VPS8: variants seen among roughly 807,000 people sequenced by gnomAD.
VPS8 encodes vacuolar protein sorting-associated protein 8 homolog.
In VPS8, 129 loss-of-function variants were observed where a neutral mutation model predicts 216.4. That is an observed-to-expected ratio of 0.60 (90% CI 0.52 to 0.69). VPS8 has a LOEUF of 0.69. VPS8 is among the 30% of genes least tolerant of loss of function. The pLI, the probability that VPS8 is intolerant of heterozygous loss-of-function variation, is 0.00. For synonymous variants in VPS8, 571 were observed against 565.4 expected (o/e 1.01, Z -0.14); for missense variants, 1,531 against 1,683.5 (o/e 0.91, Z 1.59).
At chr3:184,900,459 C>A (rs954963050) in intron 24 of VPS8, among the ~76,000 whole-genome samples, 1 of 152,084 alleles carries the variant, frequency 6.6e-6, no homozygotes, top group Non-Finnish European at 1.5e-5. Flanking sequence ...CAGTTTTTTC[C>A]CAAATAGGAA....
intron 21 of VPS8, among the ~76,000 whole-genome samples, chr3:184,876,929 T>C (rs751594936): frequency 1.1e-4 from 17 of 152,194 alleles, no homozygotes; most frequent in Admixed American, 3.3e-4. Context: ...CTTTCCTAAT[T>C]TTAAAATATT....
At chr3:184,840,032 CTTGGGT>C in intron 7 of VPS8, 1 of 619,778 alleles carries the variant, frequency 1.6e-6, no homozygotes, top group Non-Finnish European at 2.1e-6. Context: ...TGAAGGGAAC[CTTGGGT>C]TATCATCTTG....
At chr3:184,935,537 G>A (rs776470800) in intron 34 of VPS8, among the ~76,000 whole-genome samples, 5 of 152,070 alleles carry the variant, frequency 3.3e-5, no homozygotes, top group South Asian at 2.1e-4. Context: ...TGTTTTAGCC[G>A]TGTATTGTGG....
At chr3:184,915,324 A>G (rs1486317509) in intron 27 of VPS8, 31 bp from the exon 28 acceptor site, 3 of 1,604,200 alleles carry the variant, frequency 1.9e-6, no homozygotes, top group Non-Finnish European at 2.6e-6. Flanking sequence ...TCAGGTGAGA[A>G]AATAATCAAC....
intron 34 of VPS8, among the ~76,000 whole-genome samples, chr3:184,932,834 A>G (rs771949057): frequency 1.4e-4 from 22 of 152,242 alleles, no homozygotes; most frequent in Admixed American, 2.6e-4. Context: ...TTTTATAAGT[A>G]TATCACAGTT....
intron 35 of VPS8, among the ~76,000 whole-genome samples, chr3:184,936,562 G>GTGT (rs1741676382): frequency 2.1e-5 from 1 of 47,954 alleles, no homozygotes; most frequent in African/African-American, 6.9e-5. Flanking sequence ...TGTGTGTGTG[G>GTGT]TTGGGAGCAG....
chr3:185,021,862 G>C (rs773828537), intron 45 of VPS8, among the ~76,000 whole-genome samples: 3 of 152,150 alleles, frequency 2.0e-5, no homozygotes, highest in Non-Finnish European at 4.4e-5. Flanking sequence ...CTTATAATTA[G>C]GCAGAGTTGA....
At chr3:184,853,794 T>C (rs1724741192) in intron 11 of VPS8, 63 bp from the exon 12 acceptor site, 1 of 1,526,508 alleles carries the variant, frequency 6.6e-7, no homozygotes. Context: ...GTAGTCCAGG[T>C]AGAGATAGTA....
At chr3:185,006,606 G>A (rs550502959) in intron 45 of VPS8, among the ~76,000 whole-genome samples, 97 of 152,098 alleles carry the variant, frequency 6.4e-4, no homozygotes, top group Non-Finnish European at 1.1e-3. Context: ...TACTGTGATC[G>A]TTTCTATTAA....
At chr3:184,899,019 T>G (rs186996906) in intron 24 of VPS8, among the ~76,000 whole-genome samples, 13 of 152,308 alleles carry the variant, frequency 8.5e-5, no homozygotes, top group African/African-American at 2.9e-4. Flanking sequence ...ATATAATCAA[T>G]GTACTATTGA....
At chr3:184,819,644 T>C (rs2108482175) in intron 1 of VPS8, among the ~76,000 whole-genome samples, 1 of 152,252 alleles carries the variant, frequency 6.6e-6, no homozygotes, top group Admixed American at 6.5e-5. Context: ...GGGTTAATAT[T>C]TCAGAATGTT....
intron 45 of VPS8, among the ~76,000 whole-genome samples, chr3:185,008,125 A>G (rs1424768471): frequency 6.6e-6 from 1 of 152,130 alleles, no homozygotes; most frequent in East Asian, 1.9e-4. Context: ...TTTTCAAAAG[A>G]GTATATTCAA....
At chr3:184,846,655 C>A (rs929148775) in intron 8 of VPS8, among the ~76,000 whole-genome samples, 1 of 152,264 alleles carries the variant, frequency 6.6e-6, no homozygotes, top group Non-Finnish European at 1.5e-5. Flanking sequence ...GCTTAGACAT[C>A]GCTCTGTGCC....
chr3:184,945,194 A>G (rs548824011), intron 36 of VPS8, among the ~76,000 whole-genome samples: 31 of 151,816 alleles, frequency 2.0e-4, no homozygotes, highest in African/African-American at 7.2e-4. Context: ...TGTTTATTAC[A>G]TATATATTTC....
chr3:185,005,501 A>T (rs141228778), intron 45 of VPS8, among the ~76,000 whole-genome samples: 4,830 of 152,308 alleles, frequency 0.032, 277 homozygotes, highest in African/African-American at 0.11. Flanking sequence ...CTACCCATCC[A>T]TGAGCAAAGG....
chr3:184,841,481 TTTAAG>T (rs1248803424), intron 7 of VPS8, among the ~76,000 whole-genome samples: 7 of 152,232 alleles, frequency 4.6e-5, no homozygotes, highest in African/African-American at 1.4e-4. Context: ...CTATAAGACA[TTTAAG>T]TTGTTTGTAA....
At chr3:184,860,155 G>T in intron 15 of VPS8, 90 bp downstream of exon 15, 1 of 1,093,236 alleles carries the variant, frequency 9.1e-7, no homozygotes, top group Non-Finnish European at 1.4e-6. Flanking sequence ...TTTCTGCCAA[G>T]AATTATTACC....
chr3:185,051,880 C>G lies in VPS8; in HGVS notation c.4142C>G (p.Ala1381Gly). ...CRLYRGSSRL[A>G]LLTELSQNRS... ...ATGTGTGTCCTTCCTTTGCAGCTGGCTCTCCTCACGGAACTCTCCCAGAAT... is the reference window on the plus strand; with the variant it reads ...ATGTGTGTCCTTCCTTTGCAGCTGGGTCTCCTCACGGAACTCTCCCAGAAT... Residue 1381 changes from alanine to glycine, a missense_variant, in exon 48 of 48, where the codon GCT (alanine) becomes GGT (glycine). Transcript: ENST00000625842. 2 of 1,599,362 alleles carry G rather than the reference C, an allele frequency of 1.3e-6. No individual in the cohort carries two copies. The highest frequency in any genetic ancestry group is 1.7e-6 in the Non-Finnish European group (2 of 1,172,898).
chr3:185,050,142 G>A (rs1378439163), intron 47 of VPS8, among the ~76,000 whole-genome samples: 3 of 106,508 alleles, frequency 2.8e-5, no homozygotes, highest in Non-Finnish European at 1.9e-5. Context: ...TTTTTTTTTT[G>A]CAATTGATCT....
Sources: allele counts gnomAD v4.1 joint callset (sites outside exome capture counted in the v4.1 genomes callset), GRCh38; gene constraint gnomAD v4.1.1; transcripts MANE v1.5; gene names NCBI Gene and HGNC (gene_info 2026-07-23, HGNC 2026-07-21).